Variants in SEC24B observed in about 807,000 individuals in gnomAD.
The protein encoded by SEC24B is SEC24 homolog B, COPII component, also known as protein transport protein Sec24B.
In SEC24B, 45 loss-of-function variants were observed where a neutral mutation model predicts 142.8. That is an observed-to-expected ratio of 0.32 (90% CI 0.25 to 0.40). SEC24B has a LOEUF of 0.40. Among genes scored for constraint, SEC24B ranks in the 10% least tolerant of loss-of-function variants. The pLI is 1.00. For synonymous variants in SEC24B, 574 were observed against 568.2 expected (o/e 1.01, Z -0.15); for missense variants, 1,409 against 1,526.8 (o/e 0.92, Z 1.29).
rs1225317019 is a variant in SEC24B, at chr4:109,521,114, T to C, written c.2246-3T>C. On this transcript the variant is annotated splice_polypyrimidine_tract_variant and splice_region_variant and intron_variant, in intron 12 of 23. Transcript: ENST00000265175. ...TTGATTAAAATATGTGTTTTCCCTA[T>C]AGATGTTTTTCTACCTACACCGGAT... 2 of 1,485,744 alleles carry C rather than the reference T, an allele frequency of 1.3e-6. No homozygotes were observed. Among genetic ancestry groups the C allele is most frequent in the Non-Finnish European group, 1.9e-6 (2 of 1,068,914 alleles). The allele number at this position is 1,485,744 out of a possible 1,614,324, so 92.0% of individuals were successfully genotyped here.
intron 9 of SEC24B, among the ~76,000 whole-genome samples, chr4:109,513,337 G>T (rs1410248355): frequency 2.7e-5 from 4 of 149,278 alleles, no homozygotes; most frequent in African/African-American, 1.0e-4. Flanking sequence ...AGGCTGGAGT[G>T]CAGTGGTGTA....
chr4:109,504,487 G>C (rs1022975266), intron 6 of SEC24B, among the ~76,000 whole-genome samples: 1 of 151,742 alleles, frequency 6.6e-6, no homozygotes, highest in Non-Finnish European at 1.5e-5. Context: ...TCTGAATTTA[G>C]CTGTTTGCTT....
chr4:109,476,340 A>G (rs1177600488), intron 3 of SEC24B, among the ~76,000 whole-genome samples: 2 of 152,274 alleles, frequency 1.3e-5, no homozygotes, highest in East Asian at 3.9e-4. Context: ...CATAAACATC[A>G]TGAATTTTGG....
At chr4:109,514,711 C>T (rs1361861950) in intron 10 of SEC24B, among the ~76,000 whole-genome samples, 2 of 152,054 alleles carry the variant, frequency 1.3e-5, no homozygotes, top group Non-Finnish European at 1.5e-5. Flanking sequence ...AACAAACAAA[C>T]AAACTCAAAA....
chr4:109,454,435 A>G (rs542862954), intron 1 of SEC24B, among the ~76,000 whole-genome samples: 115 of 152,034 alleles, frequency 7.6e-4, no homozygotes, highest in Non-Finnish European at 1.0e-3. Flanking sequence ...ACTACTAGGG[A>G]AAGTAAGGCA....
intron 22 of SEC24B, among the ~76,000 whole-genome samples, chr4:109,535,892 C>T (rs1285279014): frequency 6.6e-6 from 1 of 152,000 alleles, no homozygotes; most frequent in African/African-American, 2.4e-5. Flanking sequence ...ACAAATTTTT[C>T]AGTAGGATTT....
At chr4:109,435,879 G>A (rs1728365580) in intron 1 of SEC24B, among the ~76,000 whole-genome samples, 1 of 152,184 alleles carries the variant, frequency 6.6e-6, no homozygotes, top group Non-Finnish European at 1.5e-5. Context: ...GGACTCGACA[G>A]GTTGGGGTGG....
intron 3 of SEC24B, 46 bp from the exon 4 acceptor site, chr4:109,481,631 C>T: frequency 7.5e-7 from 1 of 1,333,512 alleles, no homozygotes; most frequent in East Asian, 2.4e-5. Context: ...TATTTCTCAT[C>T]TTTCCTGTTG....
At chr4:109,498,419 G>A (rs1322844395) in intron 6 of SEC24B, among the ~76,000 whole-genome samples, 3 of 152,108 alleles carry the variant, frequency 2.0e-5, no homozygotes, top group Admixed American at 1.3e-4. Flanking sequence ...GTTCATTGGC[G>A]CAATCTCGGC....
At chr4:109,538,820 C>A (rs896016415) in intron 23 of SEC24B, among the ~76,000 whole-genome samples, 1 of 152,046 alleles carries the variant, frequency 6.6e-6, no homozygotes, top group Non-Finnish European at 1.5e-5. Flanking sequence ...CTCACTCTGT[C>A]ACTCAGGCTG....
chr4:109,482,979 T>TATATATATATATATATACACACACAC (rs781527364), intron 4 of SEC24B, among the ~76,000 whole-genome samples: 1 of 26,418 alleles, frequency 3.8e-5, no homozygotes, highest in African/African-American at 1.2e-4. Flanking sequence ...TATATATATA[T>TATATATATATATATATACACACACAC]ACACACACAC....
Position 109,463,385 on chromosome 4 carries a change from A to G in SEC24B, c.618A>G (p.Thr206=), listed in dbSNP as rs1213144345. The G allele has an allele frequency of 6.2e-7, 1 of 1,614,204 alleles. No homozygotes were observed. The highest frequency in any genetic ancestry group is 1.1e-5 in the South Asian group (1 of 91,082). ...VSYPSLPAGD[T]YGQMFTSQNA... is the part of the protein sequence containing the mutation. Reference sequence around the variant, plus strand: ...ATCCCTCTCTGCCTGCTGGTGATACATATGGGCAAATGTTTACCTCACAGA... The same window carrying G: ...ATCCCTCTCTGCCTGCTGGTGATACGTATGGGCAAATGTTTACCTCACAGA... Residue 206 remains threonine, a synonymous_variant, in exon 2 of 24, where the codon ACA becomes ACG. Transcript: ENST00000265175.
chr4:109,529,249 C>T (rs184746368), intron 18 of SEC24B, among the ~76,000 whole-genome samples: 1 of 152,132 alleles, frequency 6.6e-6, no homozygotes, highest in East Asian at 1.9e-4. Context: ...AGATTTATTT[C>T]TTAATTTTAA....
intron 3 of SEC24B, among the ~76,000 whole-genome samples, chr4:109,475,740 C>G (rs1274079330): frequency 1.3e-5 from 2 of 152,068 alleles, no homozygotes; most frequent in Non-Finnish European, 2.9e-5. Flanking sequence ...CACACAAATA[C>G]CCCTTCTTTA....
In SEC24B at chr4:109,539,842, C is replaced by G; in HGVS notation, c.*167C>G. The G allele has an allele frequency of 1.7e-6, 1 of 579,878 alleles. No homozygotes were observed. The highest frequency in any genetic ancestry group is 3.0e-6 in the Non-Finnish European group (1 of 330,108). The allele number at this position is 579,878 out of a possible 1,614,324, so 35.9% of individuals were successfully genotyped here. On this transcript the variant is annotated 3_prime_UTR_variant, in exon 24 of 24. Transcript: ENST00000265175. Reference sequence around the variant, plus strand: ...AAGTAAAGGGGAAGAAAGAACTTGACAGATCTTTTTCAACTCAAATTAATG... The same window carrying G: ...AAGTAAAGGGGAAGAAAGAACTTGAGAGATCTTTTTCAACTCAAATTAATG...
intron 3 of SEC24B, among the ~76,000 whole-genome samples, chr4:109,480,630 G>A (rs879893695): frequency 6.6e-5 from 10 of 152,102 alleles, no homozygotes; most frequent in African/African-American, 2.2e-4. Context: ...ACAGGCGTGC[G>A]CCACCACGCC....
rs769469075 is a variant in SEC24B at position 109,516,486 on chromosome 4, T to C, written c.2014-42T>C. 1.2e-5 allele frequency: 15 copies of C among 1,214,490 alleles called. No individual in the cohort carries two copies. In the Admixed American group the frequency reaches 1.8e-4, roughly 15 times the overall value. The allele number at this position is 1,214,490 out of a possible 1,614,324, so 75.2% of individuals were successfully genotyped here. Reference sequence around the variant, plus strand: ...AATAGTAATATATAAAAAGAATAAATTGTACCTACCAAATAACTTACTTTA... The same window carrying C: ...AATAGTAATATATAAAAAGAATAAACTGTACCTACCAAATAACTTACTTTA... On this transcript the variant is annotated intron_variant, in intron 10 of 23. Coordinates refer to ENST00000265175, the MANE Select transcript of SEC24B (RefSeq NM_006323.5).
At chr4:109,493,550 T>C (rs1735224159) in intron 5 of SEC24B, among the ~76,000 whole-genome samples, 1 of 152,176 alleles carries the variant, frequency 6.6e-6, no homozygotes, top group African/African-American at 2.4e-5. Flanking sequence ...ATAAGGGCAT[T>C]CATTCATTAA....
At chr4:109,439,473 G>GAT (rs1370262080) in intron 1 of SEC24B, among the ~76,000 whole-genome samples, 3 of 70,470 alleles carry the variant, frequency 4.3e-5, no homozygotes, top group East Asian at 4.3e-4. Context: ...CTCCTAAGCT[G>GAT]ATTTTTTTTT....
Sources: allele counts gnomAD v4.1 joint callset (sites outside exome capture counted in the v4.1 genomes callset), GRCh38; gene constraint gnomAD v4.1.1; transcripts MANE v1.5; gene names NCBI Gene and HGNC (gene_info 2026-07-23, HGNC 2026-07-21).